XRCC5: variants seen among roughly 807,000 people sequenced by gnomAD.
XRCC5 encodes X-ray repair cross complementing 5.
Under a neutral mutation model 95.7 loss-of-function variants are expected in XRCC5, and 12 were observed. The observed-to-expected ratio is 0.13, with a 90% confidence interval of 0.08 to 0.20. XRCC5 has a LOEUF of 0.20. XRCC5 is among the 10% of genes least tolerant of loss of function. XRCC5 has a pLI of 1.00. For synonymous variants in XRCC5, 281 were observed against 290.3 expected (o/e 0.97, Z 0.33); for missense variants, 595 against 873.9 (o/e 0.68, Z 4.02).
At chr2:216,156,440 GTC>G (rs1438754796) in intron 14 of XRCC5, 29 of 749,946 alleles carry the variant, frequency 3.9e-5, no homozygotes, top group South Asian at 4.0e-5. Context: ...AGCTTTTGTA[GTC>G]TCTATCGTAC....
intron 10 of XRCC5, 22 bp from the exon 11 acceptor site, chr2:216,137,066 A>G: frequency 1.2e-6 from 2 of 1,610,128 alleles, no homozygotes; most frequent in South Asian, 1.1e-5. Context: ...ATATGTGTTA[A>G]TACATCCATC....
At chr2:216,191,480 G>T (rs1689611348) in intron 17 of XRCC5, among the ~76,000 whole-genome samples, 2 of 151,186 alleles carry the variant, frequency 1.3e-5, no homozygotes, top group African/African-American at 4.9e-5. Flanking sequence ...GGCGGATCTC[G>T]GCTCACTGCA....
chr2:216,201,444 C>T (rs1689831838), intron 19 of XRCC5, among the ~76,000 whole-genome samples: 1 of 152,094 alleles, frequency 6.6e-6, no homozygotes, highest in Non-Finnish European at 1.5e-5. Flanking sequence ...TGGTATAGGA[C>T]TGGCAGTTTC....
intron 14 of XRCC5, among the ~76,000 whole-genome samples, chr2:216,151,489 T>C (rs1473745219): frequency 1.3e-5 from 2 of 152,182 alleles, no homozygotes; most frequent in Non-Finnish European, 2.9e-5. Context: ...ACTTGGTTAA[T>C]GGTTAAGACT....
intron 20 of XRCC5, among the ~76,000 whole-genome samples, chr2:216,204,865 T>C (rs897801384): frequency 6.6e-6 from 1 of 152,178 alleles, no homozygotes; most frequent in Non-Finnish European, 1.5e-5. Flanking sequence ...TTACACCATG[T>C]TGTTGATGTC....
Position 216,205,424 on chromosome 2 carries a change from A to G in XRCC5, c.*222A>G, listed in dbSNP as rs1044298327. On this transcript the variant is annotated 3_prime_UTR_variant, in exon 21 of 21. Coordinates refer to ENST00000392132, the MANE Select transcript of XRCC5 (RefSeq NM_021141.4). ...TACAAGTTTATAAAGAGTCATTGTT[A>G]TTTTCTGGTTGGTGTATTATTTTTT... is the stretch of plus-strand genomic sequence containing the variant. 9 of 550,076 alleles carry G rather than the reference A, an allele frequency of 1.6e-5. No individual in the cohort carries two copies. The East Asian group carries it at 2.7e-4, about 16-fold the overall frequency. 34.1% of individuals were successfully genotyped at this position (550,076 alleles called of 1,614,324 possible).
At chr2:216,123,423 C>G (rs1696849746) in intron 6 of XRCC5, among the ~76,000 whole-genome samples, 1 of 152,152 alleles carries the variant, frequency 6.6e-6, no homozygotes, top group Admixed American at 6.5e-5. Context: ...GTTCTTGTCA[C>G]AATATTTACA....
chr2:216,126,103 A>G (rs1696896412), intron 7 of XRCC5, 72 bp downstream of exon 7: 5 of 1,205,440 alleles, frequency 4.1e-6, no homozygotes, highest in Non-Finnish European at 6.1e-6. Flanking sequence ...AGGAACAGAC[A>G]ATTCATGTGT....
chr2:216,172,561 C>T (rs780139416), intron 16 of XRCC5, among the ~76,000 whole-genome samples: 11 of 150,202 alleles, frequency 7.3e-5, no homozygotes, highest in South Asian at 2.2e-4. Context: ...CTCCACCTCC[C>T]GGGTTCAAGT....
intron 16 of XRCC5, among the ~76,000 whole-genome samples, chr2:216,165,213 C>G (rs550334620): frequency 1.1e-4 from 17 of 152,274 alleles, no homozygotes; most frequent in African/African-American, 4.1e-4. Flanking sequence ...CTTTTTAAAA[C>G]AACATTTTAA....
chr2:216,176,301 T>C (rs2106037038), intron 16 of XRCC5, among the ~76,000 whole-genome samples: 1 of 152,214 alleles, frequency 6.6e-6, no homozygotes, highest in African/African-American at 2.4e-5. Context: ...GTATTTTTAG[T>C]GGAGACGGGA....
Position 216,126,049 on chromosome 2 carries a change from A to G in XRCC5, c.798+18A>G, listed in dbSNP as rs28371549. 0.043 allele frequency: 68,343 copies of G among 1,584,456 alleles called. 1,701 individuals are homozygous for G. Among genetic ancestry groups the G allele is most frequent in the Middle Eastern group, 0.091 (544 of 5,994 alleles). On this transcript the variant is annotated intron_variant, in intron 7 of 20. Transcript: ENST00000392132. ...ATAAATCGGTAAGTGGCAGGTACAC[A>G]TTTTTAACAGAAATGTTACCAGGCA...
At chr2:216,204,954 A>G (rs1317488813) in intron 20 of XRCC5, among the ~76,000 whole-genome samples, 1 of 152,202 alleles carries the variant, frequency 6.6e-6, no homozygotes, top group East Asian at 1.9e-4. Flanking sequence ...TCATATGACA[A>G]CTGACCAACA....
At chr2:216,150,440 T>A (rs1354238856) in intron 14 of XRCC5, among the ~76,000 whole-genome samples, 2 of 152,188 alleles carry the variant, frequency 1.3e-5, no homozygotes, top group Non-Finnish European at 2.9e-5. Context: ...AACCGTGTCA[T>A]TAGGCAATTT....
chr2:216,178,345 C>T (rs2106038455), intron 16 of XRCC5, among the ~76,000 whole-genome samples: 1 of 152,310 alleles, frequency 6.6e-6, no homozygotes, highest in Admixed American at 6.5e-5. Context: ...TTTATTGTCT[C>T]CCTCCCTTTG....
chr2:216,167,570 T>TTGTGTGTGTGTG (rs58499938), intron 16 of XRCC5, among the ~76,000 whole-genome samples: 14 of 138,498 alleles, frequency 1.0e-4, no homozygotes, highest in African/African-American at 2.1e-4. Context: ...GTGTGTGGGT[T>TTGTGTGTGTGTG]TGTGTGTGTG....
intron 6 of XRCC5, among the ~76,000 whole-genome samples, chr2:216,124,516 G>A (rs926092656): frequency 1.3e-5 from 2 of 152,108 alleles, no homozygotes; most frequent in Non-Finnish European, 2.9e-5. Flanking sequence ...TGTTTGACTA[G>A]TAATGTTGTA....
intron 3 of XRCC5, chr2:216,117,365 G>C (rs1049563324): frequency 4.6e-6 from 1 of 216,446 alleles, no homozygotes; most frequent in African/African-American, 2.3e-5. Context: ...TGCTATTCCT[G>C]ATCACTGGGA....
intron 2 of XRCC5, 140 bp from the exon 3 acceptor site, chr2:216,116,519 T>C (rs1248825187): frequency 1.9e-5 from 16 of 849,494 alleles, no homozygotes; most frequent in African/African-American, 3.4e-5. Context: ...GTAAGTCTCA[T>C]GTTTCATCCC....
Sources: allele counts gnomAD v4.1 joint callset (sites outside exome capture counted in the v4.1 genomes callset), GRCh38; gene constraint gnomAD v4.1.1; transcripts MANE v1.5; gene names NCBI Gene and HGNC (gene_info 2026-07-23, HGNC 2026-07-21).